Variants in KRTAP9-7 observed in about 807,000 individuals in gnomAD.
The protein encoded by KRTAP9-7 is keratin-associated protein 9-7.
For synonymous variants in KRTAP9-7, 68 were observed against 72.5 expected (o/e 0.94, Z 0.32); for missense variants, 157 against 198.3 (o/e 0.79, Z 1.25).
At chr17:41,275,865 C>T in exon 1 of KRTAP9-7, 1 of 1,608,756 alleles carries the variant, frequency 6.2e-7, no homozygotes, top group South Asian at 1.1e-5. Flanking sequence ...AAAACACCTG[C>T]TGCAGGACCA....
At chr17:41,276,022 A>C in exon 1 of KRTAP9-7, 1 of 1,613,384 alleles carries the variant, frequency 6.2e-7, no homozygotes, top group Non-Finnish European at 8.5e-7. Flanking sequence ...CTGTGCACCC[A>C]TCTACTGCAG....
chr17:41,276,121 C>G, exon 1 of KRTAP9-7: 1 of 1,613,846 alleles, frequency 6.2e-7, no homozygotes, highest in African/African-American at 1.3e-5. Flanking sequence ...GTGCTGCCGC[C>G]CAGCCTGCTG....
chr17:41,275,916 T>C (rs1378321597), exon 1 of KRTAP9-7: 1 of 1,610,716 alleles, frequency 6.2e-7, no homozygotes, highest in Non-Finnish European at 8.5e-7. Flanking sequence ...GCTGCCAGCC[T>C]TCCTGCTGCA....
chr17:41,275,921 G>C (rs1416445114), exon 1 of KRTAP9-7: 1 of 1,613,094 alleles, frequency 6.2e-7, no homozygotes, highest in Admixed American at 1.7e-5. Context: ...CAGCCTTCCT[G>C]CTGCAGCACA....
chr17:41,276,032 G>A (rs2016519903), exon 1 of KRTAP9-7: 2 of 1,613,766 alleles, frequency 1.2e-6, no homozygotes, highest in Middle Eastern at 3.3e-4. Flanking sequence ...ATCTACTGCA[G>A]GAGAACCTGC....
At chr17:41,276,000 C>T (rs771882076) in exon 1 of KRTAP9-7, 5 of 1,614,072 alleles carry the variant, frequency 3.1e-6, no homozygotes, top group Admixed American at 1.7e-5. Flanking sequence ...CCAGCTGCTG[C>T]CAGCCCAGCT....
rs749874894 is a variant in KRTAP9-7, at chr17:41,275,969, G to A, written c.272G>A (p.Cys91Tyr). Reference sequence around the variant, plus strand: ...CCCATCTGCTGTGGGTCCAGCTGCTGTGGCCAAACCAGCTGTGGGTCCAGC... The same window carrying A: ...CCCATCTGCTGTGGGTCCAGCTGCTATGGCCAAACCAGCTGTGGGTCCAGC... Residue 91 changes from cysteine (C) to tyrosine (Y), a missense_variant, in exon 1 of 1, where the codon TGT becomes TAT. Coordinates refer to ENST00000391354, the Ensembl canonical transcript of KRTAP9-7. The A allele has an allele frequency of 1.9e-6, 3 of 1,612,406 alleles. No homozygotes were observed. In the South Asian group the frequency reaches 3.3e-5, roughly 18 times the overall value.
chr17:41,275,702 C>G lies in KRTAP9-7; in HGVS notation c.5C>G (p.Thr2Ser), dbSNP rs188966259. ...CCACCCTCCACCCCTGACACCATGACCCACTGTTGCTCCCCTTGCTGTCAG... is the reference window on the plus strand; with the variant it reads ...CCACCCTCCACCCCTGACACCATGAGCCACTGTTGCTCCCCTTGCTGTCAG... Residue 2 changes from threonine to serine, a missense_variant, in exon 1 of 1, where the codon ACC becomes AGC. Transcript: ENST00000391354. 59 of 737,744 alleles carry G rather than the reference C, an allele frequency of 8.0e-5. 20 individuals are homozygous for G. The African/African-American group carries it at 1.0e-3, about 13-fold the overall frequency. The allele number at this position is 737,744 out of a possible 1,614,324, so 45.7% of individuals were successfully genotyped here. A position where few individuals can be genotyped will look rare whatever the true frequency, so the allele number is the denominator to read the frequency against.
chr17:41,276,119 G>T (rs552638863), exon 1 of KRTAP9-7: 2 of 1,612,464 alleles, frequency 1.2e-6, no homozygotes, highest in Admixed American at 1.7e-5. Context: ...CCGTGCTGCC[G>T]CCCAGCCTGC....
chr17:41,276,111 G>A (rs570330415), exon 1 of KRTAP9-7: 30 of 1,611,140 alleles, frequency 1.9e-5, no homozygotes, highest in African/African-American at 5.4e-5. Flanking sequence ...GCTGCCAGCC[G>A]TGCTGCCGCC....
At chr17:41,275,855 A>G in exon 1 of KRTAP9-7, 5 of 1,602,708 alleles carry the variant, frequency 3.1e-6, no homozygotes, top group Non-Finnish European at 4.2e-6. Context: ...ACTTGCTGTC[A>G]AAACACCTGC....
chr17:41,276,137 C>T, exon 1 of KRTAP9-7: 1 of 1,612,822 alleles, frequency 6.2e-7, no homozygotes, highest in South Asian at 1.1e-5. Flanking sequence ...TGCTGTGAGA[C>T]TACCTGCTGC....
chr17:41,276,067 C>T (rs2016520716), exon 1 of KRTAP9-7: 7 of 1,613,516 alleles, frequency 4.3e-6, no homozygotes, highest in Non-Finnish European at 5.9e-6. Flanking sequence ...TGTCTACCTG[C>T]CTGGTTGCCT....
exon 1 of KRTAP9-7, chr17:41,276,084 G>A (rs1472320162): frequency 6.2e-7 from 1 of 1,610,652 alleles, no homozygotes; most frequent in South Asian, 1.1e-5. Flanking sequence ...GCCTAAACCA[G>A]AGCTGTGGCT....
At chr17:41,276,010 T>C in exon 1 of KRTAP9-7, 1 of 1,613,992 alleles carries the variant, frequency 6.2e-7, no homozygotes, top group Non-Finnish European at 8.5e-7. Flanking sequence ...CCAGCCCAGC[T>C]CCTGTGCACC....
At chr17:41,275,795 G>T in exon 1 of KRTAP9-7, 1 of 1,561,930 alleles carries the variant, frequency 6.4e-7, no homozygotes. Flanking sequence ...ACACCCTGCT[G>T]CCAGCCCTCC....
exon 1 of KRTAP9-7, chr17:41,276,170 C>G (rs778099034): frequency 2.8e-5 from 45 of 1,614,010 alleles, no homozygotes; most frequent in Non-Finnish European, 3.8e-5. Flanking sequence ...TTCCAGCCCA[C>G]CTGTGTGACC....
chr17:41,275,810 G>A (rs778867783), exon 1 of KRTAP9-7: 2 of 1,578,488 alleles, frequency 1.3e-6, no homozygotes, highest in African/African-American at 2.9e-5. Flanking sequence ...CCCTCCTGCT[G>A]TGTGTCCAGC....
Sources: allele counts gnomAD v4.1 joint callset, GRCh38; gene constraint gnomAD v4.1.1; transcripts MANE v1.5; gene names NCBI Gene and HGNC (gene_info 2026-07-23, HGNC 2026-07-21).